Variants in RGS20 observed in about 807,000 individuals in gnomAD.
RGS20 encodes regulator of G protein signaling 20, also known as gz-selective GTPase-activating protein.
In RGS20, 30 loss-of-function variants were observed where a neutral mutation model predicts 33.6. The ratio of observed to expected loss-of-function variants is 0.89; its 90% confidence interval spans 0.67 to 1.21. The LOEUF is 1.21. RGS20 is among the 50% of genes most tolerant of loss of function. RGS20 has a pLI of 0.00. For synonymous variants in RGS20, 208 were observed against 197.9 expected (o/e 1.05, Z -0.43); for missense variants, 472 against 502.4 (o/e 0.94, Z 0.58).
At chr8:53,881,944 A>C (rs1812396907) in intron 2 of RGS20, among the ~76,000 whole-genome samples, 1 of 151,978 alleles carries the variant, frequency 6.6e-6, no homozygotes, top group African/African-American at 2.4e-5. Flanking sequence ...TGCAGGCTGC[A>C]GCTGGGGACC....
chr8:53,872,811 G>A (rs755139616), intron 1 of RGS20, among the ~76,000 whole-genome samples: 10 of 152,108 alleles, frequency 6.6e-5, no homozygotes, highest in Admixed American at 3.3e-4. Flanking sequence ...TGGACTTCTT[G>A]GGCGCCTCTC....
At chr8:53,948,124 A>G (rs1814578770) in intron 4 of RGS20, among the ~76,000 whole-genome samples, 1 of 132,408 alleles carries the variant, frequency 7.6e-6, no homozygotes, top group South Asian at 2.3e-4. Flanking sequence ...AAGATGTAGT[A>G]TATATATGCT....
At chr8:53,884,422 G>A (rs1016044824) in intron 2 of RGS20, among the ~76,000 whole-genome samples, 1 of 152,060 alleles carries the variant, frequency 6.6e-6, no homozygotes, top group Non-Finnish European at 1.5e-5. Flanking sequence ...TGAACAGCCA[G>A]TTTAAGAGAA....
At chr8:53,920,580 T>C (rs1813613827) in intron 2 of RGS20, among the ~76,000 whole-genome samples, 2 of 152,166 alleles carry the variant, frequency 1.3e-5, no homozygotes, top group African/African-American at 2.4e-5. Flanking sequence ...TGAATAGAAG[T>C]GGTAAAAGTA....
At chr8:53,868,759 A>T (rs1317902436) in intron 1 of RGS20, among the ~76,000 whole-genome samples, 4 of 147,126 alleles carry the variant, frequency 2.7e-5, no homozygotes, top group African/African-American at 9.9e-5. Flanking sequence ...GGACAAATGC[A>T]TTTTTTTTTT....
intron 2 of RGS20, among the ~76,000 whole-genome samples, chr8:53,909,456 A>G (rs7842926): frequency 0.07 from 10,591 of 151,108 alleles, 1,142 homozygotes; most frequent in African/African-American, 0.23. Context: ...TCCCTATATT[A>G]CCCAGGCTGG....
At chr8:53,921,199 T>C (rs997936493) in intron 2 of RGS20, among the ~76,000 whole-genome samples, 1 of 152,216 alleles carries the variant, frequency 6.6e-6, no homozygotes, top group Non-Finnish European at 1.5e-5. Context: ...TTTTTTTACA[T>C]GTTGCTAGAT....
chr8:53,915,376 G>A (rs1813455589), intron 2 of RGS20, among the ~76,000 whole-genome samples: 1 of 151,798 alleles, frequency 6.6e-6, no homozygotes, highest in Non-Finnish European at 1.5e-5. Flanking sequence ...GTTCAGACCA[G>A]TTTTTCTTCT....
chr8:53,881,695 C>T (rs1026326226), intron 2 of RGS20, among the ~76,000 whole-genome samples: 6 of 152,152 alleles, frequency 3.9e-5, no homozygotes, highest in Non-Finnish European at 5.9e-5. Flanking sequence ...GGCGTTCACT[C>T]GGAGCCTCTG....
chr8:53,945,117 G>A (rs1814434971), intron 3 of RGS20, among the ~76,000 whole-genome samples: 1 of 152,182 alleles, frequency 6.6e-6, no homozygotes, highest in African/African-American at 2.4e-5. Flanking sequence ...CTACTTGAGA[G>A]AAACACAAAT....
At chr8:53,903,054 CAGAG>C (rs541323572) in intron 2 of RGS20, among the ~76,000 whole-genome samples, 1 of 152,162 alleles carries the variant, frequency 6.6e-6, no homozygotes, top group Non-Finnish European at 1.5e-5. Flanking sequence ...ATATTTTTGA[CAGAG>C]AGATCAGATG....
intron 3 of RGS20, among the ~76,000 whole-genome samples, chr8:53,943,177 A>G (rs977927839): frequency 6.6e-6 from 1 of 152,220 alleles, no homozygotes; most frequent in African/African-American, 2.4e-5. Context: ...AGAGAGGAAG[A>G]AATGAGATGG....
intron 1 of RGS20, among the ~76,000 whole-genome samples, chr8:53,856,276 C>T (rs541300144): frequency 5.0e-4 from 74 of 149,442 alleles, no homozygotes; most frequent in African/African-American, 1.7e-3. Flanking sequence ...AGTGCAGTGG[C>T]GTGATCTCAG....
At chr8:53,932,845 G>A (rs1814011590) in intron 2 of RGS20, among the ~76,000 whole-genome samples, 1 of 152,152 alleles carries the variant, frequency 6.6e-6, no homozygotes, top group Non-Finnish European at 1.5e-5. Flanking sequence ...CTCCCAGCAG[G>A]GGTCGACAGA....
chr8:53,875,652 C>T (rs1812190218), intron 1 of RGS20, among the ~76,000 whole-genome samples: 1 of 152,118 alleles, frequency 6.6e-6, no homozygotes, highest in African/African-American at 2.4e-5. Context: ...CCTTTCCAGC[C>T]CCTCCTCCCT....
intron 2 of RGS20, chr8:53,881,041 C>G (rs748847309): frequency 5.7e-6 from 9 of 1,570,522 alleles, no homozygotes; most frequent in South Asian, 4.6e-5. Flanking sequence ...GGAGGCGAGC[C>G]GGCCGGGGCT....
At position 53,877,723 on chromosome 8, in the gene RGS20, G is replaced by A. The variant is rs1812241136; in HGVS notation, c.166-1535G>A. On this transcript the variant is annotated intron_variant, in intron 1 of 5. Coordinates refer to ENST00000297313, the MANE Select transcript of RGS20 (RefSeq NM_170587.4). This position sits in a 1 kb window ranked among gnomAD's most constrained non-coding sequence, Gnocchi z 5.7. ...ATTCTCCAGGAAAAGGTAATGAGGG[G>A]AAGTGAAACAGTGTGAACTTACTCG... is the stretch of plus-strand genomic sequence containing the variant. 6.6e-6 allele frequency among the ~76,000 whole-genome samples: 1 copy of A among 152,088 alleles called. No individual in the cohort carries two copies.
At chr8:53,916,452 A>T (rs908075499) in intron 2 of RGS20, among the ~76,000 whole-genome samples, 1 of 152,136 alleles carries the variant, frequency 6.6e-6, no homozygotes, top group South Asian at 2.1e-4. Flanking sequence ...ATATGCTTTA[A>T]TAATTTTTTT....
At chr8:53,880,282 CAG>C in intron 2 of RGS20, 1 of 152,650 alleles carries the variant, frequency 6.6e-6, no homozygotes, top group Non-Finnish European at 1.5e-5. Flanking sequence ...GATCTGGAGT[CAG>C]GGGTTAGTTC....
Sources: gnomAD v4.1 joint callset for allele counts (sites outside exome capture counted in the v4.1 genomes callset) on GRCh38, gnomAD v4.1.1 for gene constraint, Gnocchi (gnomAD v3.1) non-coding constraint, MANE v1.5 for transcripts, NCBI Gene and HGNC (gene_info 2026-07-23, HGNC 2026-07-21) for gene names.